The following CTNNA3 variants were observed in gnomAD, a reference collection of about 807,000 sequenced individuals.
The protein encoded by CTNNA3 is catenin alpha-3.
CTNNA3 carries 76 observed loss-of-function variants against 95.7 expected under a neutral mutation model. The ratio of observed to expected loss-of-function variants is 0.79; its 90% confidence interval spans 0.66 to 0.96. CTNNA3 has a LOEUF of 0.96. CTNNA3 is among the 40% of genes least tolerant of loss of function. The pLI is 0.00. For synonymous variants in CTNNA3, 431 were observed against 374.4 expected (o/e 1.15, Z -1.74); for missense variants, 1,191 against 1,089.8 (o/e 1.09, Z -1.31).
intron 5 of CTNNA3, among the ~76,000 whole-genome samples, chr10:67,493,438 T>C (rs1454067918): frequency 6.6e-6 from 1 of 151,900 alleles, no homozygotes; most frequent in Non-Finnish European, 1.5e-5. Flanking sequence ...GGCACGCACC[T>C]GTAGTCCCAG....
intron 5 of CTNNA3, among the ~76,000 whole-genome samples, chr10:67,327,696 G>A (rs1276551530): frequency 6.6e-6 from 1 of 152,174 alleles, no homozygotes. Flanking sequence ...GATGACAGTG[G>A]GACCCATTCT....
intron 17 of CTNNA3, among the ~76,000 whole-genome samples, chr10:65,926,133 A>G (rs2077165842): frequency 6.6e-6 from 1 of 151,134 alleles, no homozygotes; most frequent in Non-Finnish European, 1.5e-5. Context: ...TAACCTGCAT[A>G]ACTGTTTTCT....
chr10:67,608,874 T>A (rs1436232706), intron 2 of CTNNA3, among the ~76,000 whole-genome samples: 1 of 152,028 alleles, frequency 6.6e-6, no homozygotes, highest in East Asian at 1.9e-4. Context: ...GTGGATCACC[T>A]GAGGTCGGGA....
intron 7 of CTNNA3, among the ~76,000 whole-genome samples, chr10:67,127,371 A>T (rs1313166305): frequency 6.6e-6 from 1 of 152,228 alleles, no homozygotes. Context: ...TGTGCTTCAT[A>T]GGAGAAAGAC....
chr10:65,936,327 T>C (rs899565659), intron 17 of CTNNA3, among the ~76,000 whole-genome samples: 1 of 152,116 alleles, frequency 6.6e-6, no homozygotes, highest in East Asian at 1.9e-4. Context: ...GTTTTGAATA[T>C]ATAAACAACC....
chr10:66,717,304 C>T (rs1848483742), intron 9 of CTNNA3, among the ~76,000 whole-genome samples: 1 of 152,064 alleles, frequency 6.6e-6, no homozygotes, highest in Admixed American at 6.6e-5. Flanking sequence ...ATCCCAGTCC[C>T]CAAAGGCAGA....
chr10:66,447,229 T>A (rs2093429392), intron 11 of CTNNA3, among the ~76,000 whole-genome samples: 1 of 152,034 alleles, frequency 6.6e-6, no homozygotes, highest in Non-Finnish European at 1.5e-5. Context: ...AGAATCAATA[T>A]CGTGAAAATG....
chr10:67,642,175 AACAG>A (rs1279238493), intron 2 of CTNNA3, among the ~76,000 whole-genome samples: 1 of 152,170 alleles, frequency 6.6e-6, no homozygotes, highest in Non-Finnish European at 1.5e-5. Context: ...CAAAAGCAAA[AACAG>A]ACAAATGGGT....
intron 14 of CTNNA3, among the ~76,000 whole-genome samples, chr10:66,076,133 C>A (rs2080553396): frequency 6.6e-6 from 1 of 151,426 alleles, no homozygotes; most frequent in African/African-American, 2.4e-5. Context: ...AAAAATAGTT[C>A]TCTAATGATA....
chr10:67,257,273 AG>A (rs142126570), intron 5 of CTNNA3, among the ~76,000 whole-genome samples: 5,106 of 152,340 alleles, frequency 0.034, 197 homozygotes, highest in South Asian at 0.18. Flanking sequence ...AGATAAAGAC[AG>A]GGTTTGTGAT....
chr10:67,505,519 T>C (rs1176219068), intron 5 of CTNNA3, among the ~76,000 whole-genome samples: 1 of 152,138 alleles, frequency 6.6e-6, no homozygotes, highest in Non-Finnish European at 1.5e-5. Context: ...TAGAGATAAA[T>C]ACCAACATCA....
intron 12 of CTNNA3, among the ~76,000 whole-genome samples, chr10:66,344,767 C>T (rs183879085): frequency 2.0e-3 from 309 of 152,154 alleles, no homozygotes; most frequent in African/African-American, 7.3e-3. Context: ...ACCAATGGTA[C>T]TGGCAATAGA....
At chr10:67,068,493 G>T (rs1856230302) in intron 7 of CTNNA3, among the ~76,000 whole-genome samples, 2 of 152,130 alleles carry the variant, frequency 1.3e-5, no homozygotes, top group Non-Finnish European at 2.9e-5. Flanking sequence ...CTTAACAACA[G>T]GTGAATAGTG....
At chr10:66,688,381 C>T (rs769002347) in intron 9 of CTNNA3, among the ~76,000 whole-genome samples, 2 of 152,216 alleles carry the variant, frequency 1.3e-5, no homozygotes, top group African/African-American at 2.4e-5. Context: ...ACCTCAAAGT[C>T]GCCATGCTTG....
chr10:67,278,753 G>A (rs1337837848), intron 5 of CTNNA3, among the ~76,000 whole-genome samples: 3 of 152,186 alleles, frequency 2.0e-5, no homozygotes, highest in Non-Finnish European at 4.4e-5. Flanking sequence ...TCCCACAAGA[G>A]TCTTTGCAGG....
chr10:66,851,713 T>C (rs1564723869), intron 7 of CTNNA3, among the ~76,000 whole-genome samples: 1 of 151,918 alleles, frequency 6.6e-6, no homozygotes, highest in Non-Finnish European at 1.5e-5. Context: ...TCTGTCATGA[T>C]TGTAATCTTC....
At chr10:66,327,939 T>C (rs1396146612) in intron 12 of CTNNA3, among the ~76,000 whole-genome samples, 2 of 152,118 alleles carry the variant, frequency 1.3e-5, no homozygotes, top group Non-Finnish European at 2.9e-5. Flanking sequence ...AAATACCAGT[T>C]ACTTACTCAG....
chr10:67,761,008 A>G (rs1406586172), intron 1 of CTNNA3, among the ~76,000 whole-genome samples: 1 of 152,210 alleles, frequency 6.6e-6, no homozygotes, highest in Non-Finnish European at 1.5e-5. Context: ...GTGGAAAATT[A>G]TCTTCCACAA....
chr10:66,280,689 G>A, intron 12 of CTNNA3, 68 bp from the exon 13 acceptor site: 2 of 1,244,138 alleles, frequency 1.6e-6, no homozygotes, highest in South Asian at 1.6e-5. Flanking sequence ...GTAGTTTCCA[G>A]GAAATGTAGA....
Sources: allele counts gnomAD v4.1 joint callset (sites outside exome capture counted in the v4.1 genomes callset), GRCh38; gene constraint gnomAD v4.1.1; transcripts MANE v1.5; gene names NCBI Gene and HGNC (gene_info 2026-07-23, HGNC 2026-07-21).